RIMS2: variants seen among roughly 807,000 people sequenced by gnomAD.
RIMS2 encodes regulating synaptic membrane exocytosis protein 2.
Under a neutral mutation model 174.4 loss-of-function variants are expected in RIMS2, and 59 were observed. That is an observed-to-expected ratio of 0.34 (90% confidence interval 0.27 to 0.42). RIMS2 has a LOEUF of 0.42. RIMS2 is among the 10% of genes least tolerant of loss of function. The pLI is 1.00. For synonymous variants in RIMS2, 606 were observed against 572.5 expected (o/e 1.06, Z -0.84); for missense variants, 1,620 against 1,666.3 (o/e 0.97, Z 0.48).
rs2079069553 is a variant in RIMS2 at position 103,927,820 on chromosome 8, T to C, written c.2197-22T>C. The C allele has an allele frequency of 3.1e-6, 5 of 1,587,524 alleles. No individual in the cohort carries two copies. In the Admixed American group the frequency reaches 5.1e-5, roughly 16 times the overall value. The stretch of plus-strand genomic sequence containing the variant: ...CTTTTTGGTTTTGTTTTATTGCTTT[T>C]TTCTTTAATTTTGCTTACCAGAGCC... On this transcript the variant is annotated intron_variant, in intron 10 of 23. Transcript: ENST00000504942.
intron 4 of RIMS2, among the ~76,000 whole-genome samples, chr8:103,888,728 A>T (rs958158954): frequency 6.6e-6 from 1 of 151,652 alleles, no homozygotes; most frequent in African/African-American, 2.4e-5. Context: ...ATATGAGTTA[A>T]ATTAAAATCC....
In RIMS2 at chr8:103,696,862, C is replaced by CAAAA. The variant is rs55852238; in HGVS notation, c.177-204_177-201dup. 2.3e-3 allele frequency among the ~76,000 whole-genome samples: 119 copies of CAAAA among 52,866 alleles called. 1 individual carries two copies. The highest frequency in any genetic ancestry group is 0.033 in the Middle Eastern group (2 of 60). 34.7% of individuals were successfully genotyped at this position (52,866 alleles called of 152,430 possible). ...TGGGTAACAGAGCGAGACTTCGTCT[C>CAAAA]AAAAAAAAAAAAAAAAAAAAAAAGA... On this transcript the variant is annotated intron_variant, in intron 1 of 23. Transcript: ENST00000504942.
chr8:103,935,157 A>C (rs2080961668), intron 12 of RIMS2, among the ~76,000 whole-genome samples: 1 of 152,212 alleles, frequency 6.6e-6, no homozygotes, highest in African/African-American at 2.4e-5. Context: ...CTATAAACGA[A>C]AGGAGGGAGA....
intron 2 of RIMS2, 25 bp downstream of exon 4, chr8:103,697,321 TCTTCTAGTTA>T: frequency 6.6e-7 from 1 of 1,509,974 alleles, no homozygotes; most frequent in Non-Finnish European, 9.2e-7. Flanking sequence ...ATTACAGTTC[TCTTCTAGTTA>T]AGCTTATTGT....
chr8:103,521,710 C>T (rs1233241165), intron 1 of RIMS2, among the ~76,000 whole-genome samples: 1 of 151,984 alleles, frequency 6.6e-6, no homozygotes, highest in African/African-American at 2.4e-5. Context: ...GGACATAACC[C>T]TATTTCCTGG....
rs149934700 is a variant in RIMS2, at chr8:103,673,989, T to G, written c.177-23097T>G. On this transcript the variant is annotated intron_variant, in intron 1 of 23. Coordinates refer to ENST00000504942, the Ensembl canonical transcript of RIMS2. ...TTGAACTTTTTGCTGCTTAGAAATT[T>G]CTTCCTTCAGATACCCTAGGTCATC... 5.0e-4 allele frequency among the ~76,000 whole-genome samples: 76 copies of G among 152,352 alleles called. 1 individual carries two copies. The Middle Eastern group carries it at 0.017, about 34-fold the overall frequency.
chr8:103,985,034 G>T (rs997223892), intron 16 of RIMS2, among the ~76,000 whole-genome samples: 36 of 152,158 alleles, frequency 2.4e-4, no homozygotes, highest in African/African-American at 8.2e-4. Context: ...ATTACCAGAG[G>T]CTGGGATGGG....
intron 1 of RIMS2, among the ~76,000 whole-genome samples, chr8:103,684,436 A>G (rs985613366): frequency 1.3e-5 from 2 of 152,188 alleles, no homozygotes; most frequent in Non-Finnish European, 2.9e-5. Flanking sequence ...TTGTAAAAAC[A>G]ACATAAAATT....
chr8:103,799,588 G>T (rs927971227), intron 3 of RIMS2, among the ~76,000 whole-genome samples: 1 of 152,118 alleles, frequency 6.6e-6, no homozygotes, highest in Non-Finnish European at 1.5e-5. Context: ...TTAAGGATTT[G>T]TGATTTCCCA....
At chr8:104,221,313 G>A (rs532717103) in intron 19 of RIMS2, among the ~76,000 whole-genome samples, 1 of 152,074 alleles carries the variant, frequency 6.6e-6, no homozygotes, top group Non-Finnish European at 1.5e-5. Context: ...CACTAACCAT[G>A]TGGGCTGAAC....
intron 2 of RIMS2, among the ~76,000 whole-genome samples, chr8:103,711,028 A>T (rs2137942301): frequency 6.6e-6 from 1 of 152,350 alleles, no homozygotes; most frequent in African/African-American, 2.4e-5. Flanking sequence ...TTTTGGGAGT[A>T]ACTGGTGTGA....
At chr8:103,630,781 A>G (rs1184437809) in intron 1 of RIMS2, among the ~76,000 whole-genome samples, 5 of 152,244 alleles carry the variant, frequency 3.3e-5, no homozygotes, top group African/African-American at 1.2e-4. Context: ...GTAACCCACA[A>G]AAGAACAGGA....
At chr8:103,606,687 A>T (rs1178355552) in intron 1 of RIMS2, among the ~76,000 whole-genome samples, 1 of 152,028 alleles carries the variant, frequency 6.6e-6, no homozygotes, top group Middle Eastern at 3.4e-3. Flanking sequence ...GGGTGCTCCT[A>T]TATTGGGTGC....
intron 15 of RIMS2, among the ~76,000 whole-genome samples, chr8:103,961,350 G>A (rs557324624): frequency 3.5e-4 from 54 of 152,130 alleles, no homozygotes; most frequent in African/African-American, 1.2e-3. Flanking sequence ...TACCAGATAC[G>A]TAGATGTCAA....
At chr8:103,992,889 G>C (rs959401653) in intron 17 of RIMS2, among the ~76,000 whole-genome samples, 2 of 152,070 alleles carry the variant, frequency 1.3e-5, no homozygotes, top group African/African-American at 4.8e-5. Context: ...ATAAGTCCTG[G>C]TAACTACTAC....
chr8:104,126,474 G>A (rs900913012), intron 19 of RIMS2, among the ~76,000 whole-genome samples: 1 of 152,248 alleles, frequency 6.6e-6, no homozygotes, highest in African/African-American at 2.4e-5. Flanking sequence ...TGGGGCCTAA[G>A]TCCTCCAATA....
intron 9 of RIMS2, among the ~76,000 whole-genome samples, chr8:103,921,239 G>A (rs1206727347): frequency 6.6e-6 from 1 of 151,872 alleles, no homozygotes; most frequent in African/African-American, 2.4e-5. Context: ...GCCAGACATC[G>A]TTTTAAAAAT....
intron 2 of RIMS2, among the ~76,000 whole-genome samples, chr8:103,720,240 C>T (rs1591054414): frequency 6.6e-6 from 1 of 152,174 alleles, no homozygotes; most frequent in East Asian, 1.9e-4. Flanking sequence ...AATTTAAGCA[C>T]ATAGGCCTTC....
chr8:103,653,791 C>T (rs573011003), intron 1 of RIMS2, among the ~76,000 whole-genome samples: 9 of 152,100 alleles, frequency 5.9e-5, no homozygotes, highest in Non-Finnish European at 8.8e-5. Context: ...TGTACTCTTC[C>T]TAATAGTTAA....
Sources: allele counts gnomAD v4.1 joint callset (sites outside exome capture counted in the v4.1 genomes callset), GRCh38; gene constraint gnomAD v4.1.1; transcripts MANE v1.5; gene names NCBI Gene and HGNC (gene_info 2026-07-23, HGNC 2026-07-21).